FSHR: variants seen among roughly 807,000 people sequenced by gnomAD.
FSHR encodes follicle stimulating hormone receptor.
A neutral mutation model predicts 52.1 loss-of-function variants in FSHR; 46 were observed. The observed-to-expected ratio is 0.88, with a 90% confidence interval of 0.70 to 1.13. The LOEUF is 1.13. Ranked by LOEUF, FSHR falls within the 50% of genes most tolerant of loss-of-function variation. The pLI is 0.00. For missense variants in FSHR, 964 were observed against 834.6 expected (o/e 1.16, Z -1.91); for synonymous variants, 399 against 309.6 (o/e 1.29, Z -3.03).
intron 2 of FSHR, among the ~76,000 whole-genome samples, chr2:49,042,304 G>A (rs1390099130): frequency 2.6e-5 from 4 of 152,112 alleles, no homozygotes; most frequent in Non-Finnish European, 5.9e-5. Context: ...CAATCATTAA[G>A]GATTATTTGA....
At chr2:49,103,175 T>C (rs1671095793) in intron 1 of FSHR, among the ~76,000 whole-genome samples, 1 of 152,150 alleles carries the variant, frequency 6.6e-6, no homozygotes, top group Non-Finnish European at 1.5e-5. Flanking sequence ...TATTGCTCTA[T>C]TGAGAAGAAA....
chr2:48,973,928 C>T (rs1165594803), intron 8 of FSHR, among the ~76,000 whole-genome samples: 1 of 152,180 alleles, frequency 6.6e-6, no homozygotes, highest in Non-Finnish European at 1.5e-5. Flanking sequence ...ATTTCAAGTG[C>T]CCTGAGAGCA....
chr2:49,106,931 A>G (rs762293808), intron 1 of FSHR, among the ~76,000 whole-genome samples: 8 of 152,212 alleles, frequency 5.3e-5, no homozygotes, highest in Non-Finnish European at 5.9e-5. Flanking sequence ...ATAATGAGCC[A>G]TACCTTTATT....
intron 1 of FSHR, among the ~76,000 whole-genome samples, chr2:49,131,294 C>A (rs1672253092): frequency 1.3e-5 from 2 of 152,092 alleles, no homozygotes; most frequent in South Asian, 2.1e-4. Context: ...TTATTTATAT[C>A]TAATTGGAGC....
rs1407927264 is a variant in FSHR at position 49,018,318 on chromosome 2, A to G, written c.300-755T>C. The stretch of plus-strand genomic sequence containing the variant: ...CATGTTCACATTTGGATTCCAACAC[A>G]GACAGCCTGCCCTTTCCTTGTCTTG... On this transcript the variant is annotated intron_variant, in intron 3 of 9. Coordinates refer to ENST00000406846, the MANE Select transcript of FSHR (RefSeq NM_000145.4). Among the ~76,000 whole-genome samples the G allele has an allele frequency of 2.6e-5, 4 of 152,324 alleles. No individual in the cohort carries two copies. In the East Asian group the frequency reaches 7.7e-4, roughly 29 times the overall value.
intron 1 of FSHR, among the ~76,000 whole-genome samples, chr2:49,075,423 TCATTAA>T (rs1363319987): frequency 2.0e-5 from 3 of 148,604 alleles, no homozygotes; most frequent in African/African-American, 7.3e-5. Context: ...GAATAAAAAT[TCATTAA>T]AAATAACAAT....
chr2:49,024,810 A>T (rs552011456), intron 2 of FSHR, among the ~76,000 whole-genome samples: 1 of 152,064 alleles, frequency 6.6e-6, no homozygotes. Context: ...ACTGAATCAA[A>T]TTTTTCTTTT....
intron 1 of FSHR, among the ~76,000 whole-genome samples, chr2:49,113,435 T>C (rs942318141): frequency 6.6e-6 from 1 of 152,206 alleles, no homozygotes; most frequent in Non-Finnish European, 1.5e-5. Context: ...ATGAAAATTG[T>C]TAATCCAGCC....
intron 8 of FSHR, among the ~76,000 whole-genome samples, chr2:48,982,126 T>TC (rs1182111178): frequency 2.0e-5 from 3 of 151,862 alleles, no homozygotes; most frequent in Non-Finnish European, 4.4e-5. Flanking sequence ...ATGCAGATTG[T>TC]CCCCCCACCA....
intron 4 of FSHR, among the ~76,000 whole-genome samples, chr2:48,993,258 C>A (rs1675867372): frequency 6.6e-6 from 1 of 152,134 alleles, no homozygotes; most frequent in Admixed American, 6.6e-5. Context: ...CTTTGCATAT[C>A]CTCCTGAATG....
intron 2 of FSHR, among the ~76,000 whole-genome samples, chr2:49,048,030 C>T (rs71407542): frequency 0.014 from 2,058 of 152,140 alleles, 24 homozygotes; most frequent in South Asian, 0.02. Flanking sequence ...AGGTGCCCAC[C>T]ACCATACCCA....
intron 1 of FSHR, among the ~76,000 whole-genome samples, chr2:49,094,687 T>C (rs1670756344): frequency 2.0e-5 from 3 of 152,036 alleles, no homozygotes; most frequent in Admixed American, 2.0e-4. Context: ...TTGAGGAAAA[T>C]GTATAGCTAC....
At chr2:49,139,574 G>A (rs531722119) in intron 1 of FSHR, among the ~76,000 whole-genome samples, 1 of 150,640 alleles carries the variant, frequency 6.6e-6, no homozygotes, top group East Asian at 2.0e-4. Flanking sequence ...AGCCTTTAAA[G>A]GTAAAGATTT....
At chr2:48,966,966 G>A in intron 9 of FSHR, among the ~76,000 whole-genome samples, 1 of 152,212 alleles carries the variant, frequency 6.6e-6, no homozygotes, top group Middle Eastern at 3.2e-3. Flanking sequence ...TAGATGTGGA[G>A]ATTCTGGTTG....
chr2:48,988,148 C>T (rs11887282), intron 6 of FSHR, among the ~76,000 whole-genome samples: 121,096 of 152,168 alleles, frequency 0.8, 48,663 homozygotes, highest in African/African-American at 0.91. Context: ...CTGAATCATA[C>T]AACTGAAGGG....
At chr2:48,985,168 G>A (rs1419072714) in intron 6 of FSHR, among the ~76,000 whole-genome samples, 1 of 152,172 alleles carries the variant, frequency 6.6e-6, no homozygotes, top group African/African-American at 2.4e-5. Context: ...ATCAACTAAG[G>A]AGTTACTGCA....
Position 49,000,885 on chromosome 2 carries a change from G to A in FSHR, c.375-10248C>T, listed in dbSNP as rs1255512357. On this transcript the variant is annotated intron_variant, in intron 4 of 9. Coordinates refer to ENST00000406846, the MANE Select transcript of FSHR (RefSeq NM_000145.4). Reference sequence around the variant, plus strand: ...GACCAGAACACTGCTAACTGAAAAGGAACTGCAGTCCTAGGAACTGGTTAC... The same window carrying A: ...GACCAGAACACTGCTAACTGAAAAGAAACTGCAGTCCTAGGAACTGGTTAC... 2.0e-5 allele frequency among the ~76,000 whole-genome samples: 3 copies of A among 152,068 alleles called. No individual in the cohort carries two copies. The East Asian group carries it at 5.8e-4, about 29-fold the overall frequency.
intron 2 of FSHR, among the ~76,000 whole-genome samples, chr2:49,033,119 A>T (rs1668157406): frequency 6.6e-6 from 1 of 152,232 alleles, no homozygotes; most frequent in Admixed American, 6.5e-5. Flanking sequence ...TACAGGAATT[A>T]CCATAGCAAC....
chr2:49,088,414 C>A (rs1670478586), intron 1 of FSHR, among the ~76,000 whole-genome samples: 1 of 152,190 alleles, frequency 6.6e-6, no homozygotes, highest in Non-Finnish European at 1.5e-5. Context: ...ACCAGAAATT[C>A]TTCAGAAAGA....
Sources: gnomAD v4.1 joint callset for allele counts (sites outside exome capture counted in the v4.1 genomes callset) on GRCh38, gnomAD v4.1.1 for gene constraint, MANE v1.5 for transcripts, NCBI Gene and HGNC (gene_info 2026-07-23, HGNC 2026-07-21) for gene names.